The following MFSD8 variants were observed in gnomAD, a reference collection of about 807,000 sequenced individuals.
MFSD8 encodes the protein major facilitator superfamily domain containing 8, also known as major facilitator superfamily domain-containing protein 8.
MFSD8 carries 55 observed loss-of-function variants against 66.4 expected under a neutral mutation model. The ratio of observed to expected loss-of-function variants is 0.83; its 90% CI spans 0.67 to 1.04. The LOEUF (loss-of-function observed/expected upper bound fraction) is 1.04, where lower values mean the gene tolerates loss of function less well. MFSD8 is among the 50% of genes least tolerant of loss of function. The probability of loss-of-function intolerance (pLI) is 0.00; values close to 1 mark genes in which losing one functional copy is unlikely to be tolerated. For synonymous variants in MFSD8, 202 were observed against 212.8 expected (o/e 0.95, Z 0.44); for missense variants, 550 against 627.6 (o/e 0.88, Z 1.32).
chr4:127,929,780 A>C (rs1737833455), intron 9 of MFSD8, among the ~76,000 whole-genome samples: 1 of 152,224 alleles, frequency 6.6e-6, no homozygotes, highest in Non-Finnish European at 1.5e-5. Flanking sequence ...AATTTAGTGT[A>C]CATGTCAAAA....
intron 11 of MFSD8, 176 bp from the exon 12 acceptor site, chr4:127,921,012 T>TA (rs1022916772): frequency 1.7e-5 from 11 of 633,480 alleles, no homozygotes; most frequent in East Asian, 8.3e-5. Context: ...TAAGTCAGAT[T>TA]AAAAAAAATA....
rs145633957 is a variant in MFSD8, at chr4:127,943,859, A to T, written c.332T>A (p.Ile111Asn). 1 of 1,614,166 alleles carries T rather than the reference A, an allele frequency of 6.2e-7. No individual in the cohort carries two copies. Among genetic ancestry groups the T allele is most frequent in the Non-Finnish European group, 8.5e-7 (1 of 1,180,030 alleles). ...GCAGTTGGCTGCCACGGAAATCAAGATGGAGACAATAAGAGGCTCTTTTCT... is the reference window on the plus strand; with the variant it reads ...GCAGTTGGCTGCCACGGAAATCAAGTTGGAGACAATAAGAGGCTCTTTTCT... The part of the protein sequence containing the change: ...RPRKEPLIVS[I>N]LISVAANCLY... Residue 111 changes from isoleucine to asparagine, a missense_variant, in exon 4 of 12, where the codon ATC (isoleucine) becomes AAC (asparagine). By Grantham distance (149) the Ile-to-Asn change is moderately radical. Transcript: ENST00000641686.
intron 3 of MFSD8, among the ~76,000 whole-genome samples, chr4:127,944,816 A>G (rs1370882127): frequency 6.6e-6 from 1 of 151,896 alleles, no homozygotes; most frequent in Non-Finnish European, 1.5e-5. Flanking sequence ...ATGCACCACC[A>G]TGCCCACCTA....
intron 5 of MFSD8, among the ~76,000 whole-genome samples, chr4:127,941,054 G>A (rs987047277): frequency 1.3e-5 from 2 of 152,056 alleles, no homozygotes; most frequent in Admixed American, 1.3e-4. Context: ...AAGAACATAA[G>A]TCTATACCAG....
At chr4:127,946,466 T>C (rs1459580952) in intron 3 of MFSD8, among the ~76,000 whole-genome samples, 1 of 152,184 alleles carries the variant, frequency 6.6e-6, no homozygotes, top group African/African-American at 2.4e-5. Context: ...ATGGAAAGAA[T>C]TTTTAGTGTA....
intron 2 of MFSD8, 144 bp downstream of exon 2, chr4:127,957,357 G>C: frequency 1.6e-6 from 1 of 642,628 alleles, no homozygotes. Context: ...ATTGAACTTA[G>C]ATATGGTAAC....
chr4:127,948,413 C>CA (rs1741431162), intron 3 of MFSD8, among the ~76,000 whole-genome samples: 1 of 152,170 alleles, frequency 6.6e-6, no homozygotes, highest in African/African-American at 2.4e-5. Flanking sequence ...AATCCCAAGT[C>CA]AAAAGGTCAA....
intron 2 of MFSD8, among the ~76,000 whole-genome samples, chr4:127,953,020 C>T (rs1196875255): frequency 6.6e-6 from 1 of 152,010 alleles, no homozygotes; most frequent in Non-Finnish European, 1.5e-5. Context: ...GGCATTGCTA[C>T]CAAAACAGTA....
chr4:127,927,885 G>A (rs1737481815), intron 9 of MFSD8, among the ~76,000 whole-genome samples: 1 of 151,842 alleles, frequency 6.6e-6, no homozygotes, highest in African/African-American at 2.4e-5. Flanking sequence ...TGAAGAAATA[G>A]GGATCTCATT....
Position 127,918,821 on chromosome 4 carries a change from G to A in MFSD8, c.*1809C>T, listed in dbSNP as rs1023883728. 1.3e-5 allele frequency: 2 copies of A among 152,172 alleles called. No individual in the cohort carries two copies. Among genetic ancestry groups the A allele is most frequent in the African/African-American group, 2.4e-5 (1 of 41,434 alleles). 9.4% of individuals were successfully genotyped at this position (152,172 alleles called of 1,614,324 possible). On this transcript the variant is annotated 3_prime_UTR_variant, in exon 12 of 12. Coordinates refer to ENST00000641686, the MANE Select transcript of MFSD8 (RefSeq NM_001371596.2). ...TTGTATGTTACACATTACCTGGAATGTGGAAAGCACTCCACAAATTTTGCT... is the reference window on the plus strand; with the variant it reads ...TTGTATGTTACACATTACCTGGAATATGGAAAGCACTCCACAAATTTTGCT...
rs12108510 is a variant in MFSD8 at position 127,955,962 on chromosome 4, C to T, written c.154+1539G>A. On this transcript the variant is annotated intron_variant, in intron 2 of 11. Transcript: ENST00000641686. The stretch of plus-strand genomic sequence containing the variant: ...TGAAACCCCATCTCTACTAAAGATA[C>T]AAAAAAATTAGCTGGGCGTGATAGC... Among the ~76,000 whole-genome samples the T allele has an allele frequency of 3.0e-3, 453 of 151,132 alleles. 5 individuals are homozygous for T. The highest frequency in any genetic ancestry group is 0.011 in the African/African-American group (436 of 41,172).
rs533112031 is a variant in MFSD8 at position 127,953,403 on chromosome 4, G to A, written c.155-3556C>T. Reference sequence around the variant, plus strand: ...CTTGGAAGGCTGAGGCAGGAGAATCGTTTCAACACGGGAGGCTGAGGTTGC... The same window carrying A: ...CTTGGAAGGCTGAGGCAGGAGAATCATTTCAACACGGGAGGCTGAGGTTGC... On this transcript the variant is annotated intron_variant, in intron 2 of 11. Transcript: ENST00000641686. Among the ~76,000 whole-genome samples, 14 of 150,090 alleles carry A rather than the reference G, an allele frequency of 9.3e-5. No individual in the cohort carries two copies. The South Asian group carries it at 1.5e-3, about 16-fold the overall frequency.
At chr4:127,951,647 T>A (rs1046002075) in intron 2 of MFSD8, among the ~76,000 whole-genome samples, 2 of 152,178 alleles carry the variant, frequency 1.3e-5, no homozygotes, top group Admixed American at 6.5e-5. Context: ...ACTTTGTTTG[T>A]ACTCTATAGA....
At chr4:127,926,718 T>C (rs1389319173) in intron 9 of MFSD8, among the ~76,000 whole-genome samples, 3 of 152,192 alleles carry the variant, frequency 2.0e-5, no homozygotes, top group East Asian at 3.8e-4. Context: ...AGTACCCCCA[T>C]AGCACTGAAC....
chr4:127,965,134 A>G lies in MFSD8; in HGVS notation c.-1T>C, dbSNP rs767069868. On this transcript the variant is annotated 5_prime_UTR_variant, in exon 1 of 12. Coordinates refer to ENST00000641686, the MANE Select transcript of MFSD8 (RefSeq NM_001371596.2). ...CACTTTCGTTCCGCAGGCCGGCCAT[A>G]GTTACACTCCCTACAAGGCGTCTTG... 1 of 1,613,992 alleles carries G rather than the reference A, an allele frequency of 6.2e-7. No homozygotes were observed. The highest frequency in any genetic ancestry group is 1.1e-5 in the South Asian group (1 of 91,066).
At chr4:127,921,129 C>T (rs1249283891) in intron 11 of MFSD8, 1 of 554,938 alleles carries the variant, frequency 1.8e-6, no homozygotes, top group African/African-American at 1.9e-5. Context: ...TGCTACATGC[C>T]AGTCACTGAG....
At chr4:127,931,445 T>C (rs551192954) in intron 8 of MFSD8, among the ~76,000 whole-genome samples, 1 of 152,170 alleles carries the variant, frequency 6.6e-6, no homozygotes, top group African/African-American at 2.4e-5. Flanking sequence ...GCAACCTCCA[T>C]CTCCTGGGTT....
intron 5 of MFSD8, among the ~76,000 whole-genome samples, chr4:127,940,538 A>ATATGTG (rs890487889): frequency 2.1e-5 from 3 of 140,688 alleles, no homozygotes; most frequent in South Asian, 2.2e-4. Flanking sequence ...ATATATATAT[A>ATATGTG]TGTGTGTGTG....
At chr4:127,936,564 A>G (rs1013149840) in intron 7 of MFSD8, among the ~76,000 whole-genome samples, 2 of 152,112 alleles carry the variant, frequency 1.3e-5, no homozygotes, top group Admixed American at 6.5e-5. Context: ...TGTCTCTATT[A>G]AAGAAAAAAA....
Sources: gnomAD v4.1 joint callset for allele counts (sites outside exome capture counted in the v4.1 genomes callset) on GRCh38, gnomAD v4.1.1 for gene constraint, MANE v1.5 for transcripts, NCBI Gene and HGNC (gene_info 2026-07-23, HGNC 2026-07-21) for gene names.